The following NKAIN2 variants were observed in gnomAD, a reference collection of about 807,000 sequenced individuals.
NKAIN2 encodes the protein sodium/potassium-transporting ATPase subunit beta-1-interacting protein 2.
A neutral mutation model predicts 32.6 loss-of-function variants in NKAIN2; 14 were observed. The observed-to-expected ratio is 0.43, with a 90% CI of 0.28 to 0.67. The LOEUF is 0.67. Ranked by LOEUF, NKAIN2 falls within the 30% of genes least tolerant of loss-of-function variation. The probability of loss-of-function intolerance (pLI) is 0.17; values close to 1 mark genes in which losing one functional copy is unlikely to be tolerated. For missense variants in NKAIN2, 198 were observed against 258.3 expected (o/e 0.77, Z 1.60); for synonymous variants, 80 against 87.2 (o/e 0.92, Z 0.46).
At chr6:123,864,698 C>G (rs2114984379) in intron 1 of NKAIN2, among the ~76,000 whole-genome samples, 1 of 152,168 alleles carries the variant, frequency 6.6e-6, no homozygotes, top group South Asian at 2.1e-4. Flanking sequence ...ATGCAAAGCC[C>G]TGAGGTAGAA....
At position 124,779,294 on chromosome 6, in the gene NKAIN2, AGGAG is replaced by A. The variant is rs1189401733; in HGVS notation, c.475-12021_475-12018del. ...GAGAGAGAGAGAGAGGAAGGCAGGA[AGGAG>A]GGAGGGAGGGAGGGAGGGAGGGAAG... On this transcript the variant is annotated intron_variant, in intron 4 of 6. Coordinates refer to ENST00000368417, the MANE Select transcript of NKAIN2 (RefSeq NM_001040214.3). 6.0e-3 allele frequency among the ~76,000 whole-genome samples: 422 copies of A among 70,760 alleles called. 15 individuals are homozygous for A. Among genetic ancestry groups the A allele is most frequent in the African/African-American group, 6.4e-3 (104 of 16,140 alleles). 46.4% of individuals were successfully genotyped at this position (70,760 alleles called of 152,430 possible). A position where few individuals can be genotyped will look rare whatever the true frequency, so the allele number is the denominator to read the frequency against.
intron 3 of NKAIN2, among the ~76,000 whole-genome samples, chr6:124,488,236 G>A (rs1319631684): frequency 2.0e-5 from 3 of 152,024 alleles, no homozygotes; most frequent in Non-Finnish European, 4.4e-5. Context: ...TAGTTTAAAT[G>A]TACACTGTTA....
chr6:124,761,523 C>A (rs1308075538), intron 4 of NKAIN2, among the ~76,000 whole-genome samples: 1 of 152,140 alleles, frequency 6.6e-6, no homozygotes, highest in Non-Finnish European at 1.5e-5. Flanking sequence ...CTCCAGATTG[C>A]ATAATATTAC....
At chr6:124,449,711 A>T (rs1217385332) in intron 3 of NKAIN2, among the ~76,000 whole-genome samples, 1 of 152,034 alleles carries the variant, frequency 6.6e-6, no homozygotes, top group Non-Finnish European at 1.5e-5. Flanking sequence ...CACATGTCAA[A>T]TTTCAAAGTT....
intron 3 of NKAIN2, among the ~76,000 whole-genome samples, chr6:124,639,098 CA>C (rs773482071): frequency 4.7e-4 from 72 of 151,824 alleles, no homozygotes; most frequent in Non-Finnish European, 8.5e-4. Context: ...GGTGAGGATT[CA>C]AAGAAAAAGG....
chr6:124,145,490 T>C (rs1787354195), intron 1 of NKAIN2, among the ~76,000 whole-genome samples: 2 of 56,874 alleles, frequency 3.5e-5, no homozygotes, highest in Non-Finnish European at 1.1e-4. Flanking sequence ...TGACAAACTT[T>C]TTTTGTTTTT....
chr6:123,914,010 C>T (rs966081624), intron 1 of NKAIN2, among the ~76,000 whole-genome samples: 1 of 152,050 alleles, frequency 6.6e-6, no homozygotes, highest in East Asian at 1.9e-4. Context: ...TACAATAGCT[C>T]TCTGTATTAG....
chr6:124,719,139 T>G (rs1775900751), intron 4 of NKAIN2, among the ~76,000 whole-genome samples: 1 of 152,180 alleles, frequency 6.6e-6, no homozygotes, highest in South Asian at 2.1e-4. Context: ...AATAGACTGT[T>G]TTTTTCCATA....
chr6:124,413,468 A>G (rs1047541673), intron 3 of NKAIN2, among the ~76,000 whole-genome samples: 29 of 152,104 alleles, frequency 1.9e-4, no homozygotes, highest in African/African-American at 5.3e-4. Flanking sequence ...GTAACTTTTT[A>G]TTGAAATCAG....
chr6:123,865,741 C>T (rs1348036401), intron 1 of NKAIN2, among the ~76,000 whole-genome samples: 1 of 152,106 alleles, frequency 6.6e-6, no homozygotes, highest in Non-Finnish European at 1.5e-5. Flanking sequence ...CTATGTCAAG[C>T]CATTGCCATT....
In NKAIN2 at chr6:124,784,356, G is replaced by A. The variant is rs182231063; in HGVS notation, c.475-6983G>A. On this transcript the variant is annotated intron_variant, in intron 4 of 6. Coordinates refer to ENST00000368417, the MANE Select transcript of NKAIN2 (RefSeq NM_001040214.3). ...CATCACCACAAGGATCCCGTATATT[G>A]CCTTTTTACGGCCACATTCACTTCC... Among the ~76,000 whole-genome samples, 277 of 152,204 alleles carry A rather than the reference G, an allele frequency of 1.8e-3. 1 individual carries two copies. The highest frequency in any genetic ancestry group is 0.01 in the Middle Eastern group (3 of 294).
At chr6:123,894,661 T>C (rs957609639) in intron 1 of NKAIN2, among the ~76,000 whole-genome samples, 2 of 152,020 alleles carry the variant, frequency 1.3e-5, no homozygotes, top group African/African-American at 4.8e-5. Context: ...TGGGGGACTT[T>C]CCAGGAGATG....
intron 4 of NKAIN2, among the ~76,000 whole-genome samples, chr6:124,753,086 A>C (rs1206665338): frequency 6.6e-6 from 1 of 152,066 alleles, no homozygotes; most frequent in East Asian, 1.9e-4. Flanking sequence ...TCAGTGTGAA[A>C]TTCTGTTGTA....
At chr6:124,405,344 A>G (rs332601) in intron 3 of NKAIN2, among the ~76,000 whole-genome samples, 31,417 of 151,826 alleles carry the variant, frequency 0.21, 3,826 homozygotes, top group Non-Finnish European at 0.27. Flanking sequence ...GAGTCTAAGA[A>G]GCACAAATAA....
At chr6:123,957,272 A>T (rs1162683169) in intron 1 of NKAIN2, among the ~76,000 whole-genome samples, 1 of 152,202 alleles carries the variant, frequency 6.6e-6, no homozygotes, top group Non-Finnish European at 1.5e-5. Flanking sequence ...CTTAACTTAA[A>T]AATAAGTAAA....
chr6:124,334,348 G>A (rs577852857), intron 2 of NKAIN2, among the ~76,000 whole-genome samples: 45 of 152,268 alleles, frequency 3.0e-4, no homozygotes, highest in African/African-American at 9.9e-4. Flanking sequence ...CGATTTATCC[G>A]GACAGGAGAA....
chr6:124,408,876 G>T (rs1774003582), intron 3 of NKAIN2, among the ~76,000 whole-genome samples: 1 of 152,124 alleles, frequency 6.6e-6, no homozygotes, highest in South Asian at 2.1e-4. Flanking sequence ...ATTTCATTGA[G>T]CAGTGGTTTG....
intron 4 of NKAIN2, among the ~76,000 whole-genome samples, chr6:124,765,716 T>G (rs2114746215): frequency 6.6e-6 from 1 of 152,310 alleles, no homozygotes; most frequent in Admixed American, 6.5e-5. Context: ...CAGAAGTTCC[T>G]TCTATTGTGT....
intron 4 of NKAIN2, among the ~76,000 whole-genome samples, chr6:124,721,056 G>A (rs1317288737): frequency 2.0e-5 from 3 of 152,216 alleles, no homozygotes; most frequent in Non-Finnish European, 4.4e-5. Flanking sequence ...TTCCAACAAA[G>A]CATTCAGAGC....
Sources: gnomAD v4.1 joint callset for allele counts (sites outside exome capture counted in the v4.1 genomes callset) on GRCh38, gnomAD v4.1.1 for gene constraint, MANE v1.5 for transcripts, NCBI Gene and HGNC (gene_info 2026-07-23, HGNC 2026-07-21) for gene names.